The following SPECC1 variants were observed in gnomAD, a reference collection of about 807,000 sequenced individuals.
SPECC1 encodes the protein sperm antigen with calponin homology and coiled-coil domains 1.
SPECC1 carries 62 observed loss-of-function variants against 104.1 expected under a neutral mutation model. That is an observed-to-expected ratio of 0.60 (90% confidence interval 0.49 to 0.74). The LOEUF is 0.74. SPECC1 is among the 30% of genes least tolerant of loss of function. The pLI is 0.00. For missense variants in SPECC1, 1,306 were observed against 1,310.5 expected, an observed-to-expected ratio of 1.00 and a Z score of 0.05; for synonymous variants, 513 against 501.6, an observed-to-expected ratio of 1.02 and a Z score of -0.30.
intron 1 of SPECC1, among the ~76,000 whole-genome samples, chr17:20,086,380 G>T (rs925015884): frequency 6.6e-6 from 1 of 152,136 alleles, no homozygotes; most frequent in African/African-American, 2.4e-5. Context: ...GACTGCCAGG[G>T]ACCCTCCTCA....
At position 20,100,040 on chromosome 17, in the gene SPECC1, G is replaced by A. The variant is rs577606121; in HGVS notation, c.147+3242G>A. On this transcript the variant is annotated intron_variant, in intron 2 of 14. Coordinates refer to ENST00000395527, the MANE Select transcript of SPECC1 (RefSeq NM_001243439.2). ...TGATACCTCATGCAATGTAACTGCC[G>A]CATACATAGTTGTTATACTGTGTCA... Among the ~76,000 whole-genome samples the A allele has an allele frequency of 4.1e-3, 618 of 152,188 alleles. 1 individual carries two copies. Among genetic ancestry groups the A allele is most frequent in the Middle Eastern group, 0.02 (6 of 294 alleles).
intron 3 of SPECC1, among the ~76,000 whole-genome samples, chr17:20,114,490 T>G (rs2048656492): frequency 6.8e-6 from 1 of 146,652 alleles, no homozygotes; most frequent in Non-Finnish European, 1.5e-5. Context: ...GCGCCCAGCC[T>G]GTTTTTTTTT....
rs577180947 is a variant in SPECC1, at chr17:20,213,681, G to A, written c.1863+7769G>A. Among the ~76,000 whole-genome samples the A allele has an allele frequency of 3.9e-5, 6 of 152,266 alleles. No individual in the cohort carries two copies. In the East Asian group the frequency reaches 9.7e-4, roughly 25 times the overall value. Reference sequence around the variant, plus strand: ...AGAGGGGGTGAGTTGACCCCTGAGTGTATGGGGTGGGGACTCTGGGAATGC... The same window carrying A: ...AGAGGGGGTGAGTTGACCCCTGAGTATATGGGGTGGGGACTCTGGGAATGC... On this transcript the variant is annotated intron_variant, in intron 4 of 14. Transcript: ENST00000395527.
chr17:20,115,659 A>G (rs1272340477), intron 3 of SPECC1, among the ~76,000 whole-genome samples: 1 of 152,236 alleles, frequency 6.6e-6, no homozygotes, highest in African/African-American at 2.4e-5. Context: ...AACAGGCCAA[A>G]GAAGAAAAAC....
At chr17:20,269,950 A>G (rs1178222730) in intron 12 of SPECC1, among the ~76,000 whole-genome samples, 1 of 152,176 alleles carries the variant, frequency 6.6e-6, no homozygotes, top group Non-Finnish European at 1.5e-5. Flanking sequence ...AGGCACTGAC[A>G]CAGGCTGCAG....
At chr17:20,259,411 A>G (rs759961066) in intron 11 of SPECC1, among the ~76,000 whole-genome samples, 16 of 152,238 alleles carry the variant, frequency 1.1e-4, no homozygotes, top group Non-Finnish European at 5.9e-5. Flanking sequence ...AATTAGTAAA[A>G]TTCTTATTTC....
rs10718870 is a variant in SPECC1, at chr17:20,038,403, C to CTTT, written c.-22+28997_-22+28999dup. Among the ~76,000 whole-genome samples, 21 of 99,336 alleles carry CTTT rather than the reference C, an allele frequency of 2.1e-4. No homozygotes were observed. In the East Asian group the frequency reaches 4.0e-3, roughly 19 times the overall value. The allele number at this position is 99,336 out of a possible 152,430, so 65.2% of individuals were successfully genotyped here. On this transcript the variant is annotated intron_variant, in intron 1 of 14. Transcript: ENST00000395527. ...ACTATGTCCCACAAATTTTGATATT[C>CTTT]TTTTTTTTTTTTTTTTTTTTGAGGC...
intron 1 of SPECC1, among the ~76,000 whole-genome samples, chr17:20,016,570 AGCCGGCCC>A (rs1182751712): frequency 1.1e-4 from 16 of 152,282 alleles, no homozygotes; most frequent in South Asian, 6.2e-4. Context: ...GCGGCCGGCC[AGCCGGCCC>A]CAACGGCCCC....
chr17:20,066,556 G>C (rs1478871643), intron 1 of SPECC1, among the ~76,000 whole-genome samples: 2 of 152,152 alleles, frequency 1.3e-5, no homozygotes, highest in East Asian at 3.9e-4. Flanking sequence ...CATTATAGTT[G>C]GTCATCTTAC....
chr17:20,113,146 A>G (rs2048577045), intron 3 of SPECC1, among the ~76,000 whole-genome samples: 1 of 152,200 alleles, frequency 6.6e-6, no homozygotes. Flanking sequence ...GCATAAGGGA[A>G]AAAATTGACT....
At chr17:20,249,836 A>G (rs2039556442) in intron 9 of SPECC1, among the ~76,000 whole-genome samples, 1 of 152,178 alleles carries the variant, frequency 6.6e-6, no homozygotes, top group Admixed American at 6.5e-5. Flanking sequence ...AAAAAATCTC[A>G]TGTGTAATTG....
At chr17:20,121,248 T>C (rs1241902518) in intron 3 of SPECC1, among the ~76,000 whole-genome samples, 2 of 152,224 alleles carry the variant, frequency 1.3e-5, no homozygotes, top group Non-Finnish European at 2.9e-5. Flanking sequence ...CCAGTTTTAC[T>C]TTTTCTCTCC....
At chr17:20,138,783 C>T (rs1400596890) in intron 3 of SPECC1, among the ~76,000 whole-genome samples, 1 of 152,188 alleles carries the variant, frequency 6.6e-6, no homozygotes, top group Non-Finnish European at 1.5e-5. Context: ...TGAAGGACAT[C>T]CTGGTTGCTT....
At chr17:20,272,393 A>G (rs1299470008) in intron 12 of SPECC1, among the ~76,000 whole-genome samples, 2 of 152,008 alleles carry the variant, frequency 1.3e-5, no homozygotes, top group South Asian at 4.1e-4. Context: ...TGAAATGTAC[A>G]TAGGATAAAA....
chr17:20,261,268 C>T (rs769853734), intron 12 of SPECC1, among the ~76,000 whole-genome samples: 179 of 151,912 alleles, frequency 1.2e-3, no homozygotes, highest in Middle Eastern at 6.8e-3. Flanking sequence ...TTTGGGAGGC[C>T]GAGGTGGGCA....
intron 3 of SPECC1, among the ~76,000 whole-genome samples, chr17:20,175,207 ATCATCATCACGTTAGAACCCC>A (rs1354474768): frequency 4.6e-5 from 7 of 152,188 alleles, no homozygotes; most frequent in Admixed American, 3.9e-4. Context: ...TCCTGATGCC[ATCATCATCACGTTAGAACCCC>A]TCACCACCAC....
chr17:20,099,709 A>C (rs1366211244), intron 2 of SPECC1, among the ~76,000 whole-genome samples: 6 of 148,808 alleles, frequency 4.0e-5, no homozygotes, highest in African/African-American at 1.5e-4. Flanking sequence ...AAAAAAAAAA[A>C]AAAAAAAAAA....
At chr17:20,269,831 C>T (rs1366603700) in intron 12 of SPECC1, among the ~76,000 whole-genome samples, 1 of 152,140 alleles carries the variant, frequency 6.6e-6, no homozygotes, top group Non-Finnish European at 1.5e-5. Flanking sequence ...TGTGTCCTTT[C>T]GCAGTAATAA....
chr17:20,314,001 A>G lies in SPECC1; in HGVS notation c.3143A>G (p.Asp1048Gly). 6.2e-7 allele frequency: 1 copy of G among 1,614,142 alleles called. No individual in the cohort carries two copies. The highest frequency in any genetic ancestry group is 8.5e-7 in the Non-Finnish European group (1 of 1,180,032). The stretch of plus-strand genomic sequence containing the variant: ...GAACTCAGCGAGATGCTGTACACAG[A>G]CCGGCCCGACTGGCAGAGTGTGATG... ...SLELSEMLYT[D>G]RPDWQSVMQY... Residue 1048 changes from aspartate (D) to glycine (G), a missense_variant, in exon 15 of 15, where the codon GAC (aspartate) becomes GGC (glycine). Asp to Gly is a moderately conservative substitution (Grantham distance 94, BLOSUM62 -1). Transcript: ENST00000395527.
Sources: gnomAD v4.1 joint callset for allele counts (sites outside exome capture counted in the v4.1 genomes callset) on GRCh38, gnomAD v4.1.1 for gene constraint, MANE v1.5 for transcripts, NCBI Gene and HGNC (gene_info 2026-07-23, HGNC 2026-07-21) for gene names.